Variants in GABRG3 observed in about 807,000 individuals in gnomAD.
The protein encoded by GABRG3 is gamma-aminobutyric acid receptor subunit gamma-3.
A neutral mutation model predicts 48.8 loss-of-function variants in GABRG3; 25 were observed. The ratio of observed to expected loss-of-function variants is 0.51; its 90% CI spans 0.37 to 0.72. GABRG3 has a LOEUF of 0.72. Ranked by LOEUF, GABRG3 falls within the 30% of genes least tolerant of loss-of-function variation. The probability of loss-of-function intolerance (pLI) is 0.00; values close to 1 mark genes in which losing one functional copy is unlikely to be tolerated. For synonymous variants in GABRG3, 227 were observed against 217.6 expected (o/e 1.04, Z -0.38); for missense variants, 394 against 577.9 (o/e 0.68, Z 3.26).
intron 7 of GABRG3, among the ~76,000 whole-genome samples, chr15:27,522,652 C>A (rs997450401): frequency 6.6e-6 from 1 of 151,500 alleles, no homozygotes; most frequent in Non-Finnish European, 1.5e-5. Flanking sequence ...TTATTGTAAT[C>A]TGTTAAAAAT....
intron 3 of GABRG3, among the ~76,000 whole-genome samples, chr15:27,095,331 A>G (rs1342565065): frequency 6.6e-6 from 1 of 152,240 alleles, no homozygotes; most frequent in Non-Finnish European, 1.5e-5. Flanking sequence ...GTAAATGCAT[A>G]TGCAGACACA....
Position 27,447,201 on chromosome 15 carries a change from A to G in GABRG3, c.575-33449A>G, listed in dbSNP as rs1416582955. Among the ~76,000 whole-genome samples, 2 of 152,188 alleles carry G rather than the reference A, an allele frequency of 1.3e-5. No homozygotes were observed. Among genetic ancestry groups the G allele is most frequent in the African/African-American group, 4.8e-5 (2 of 41,450 alleles). On this transcript the variant is annotated intron_variant, in intron 5 of 9. Transcript: ENST00000615808. The surrounding 1 kb of genome is among the most constrained non-coding windows in gnomAD (Gnocchi z 4.0). ...GGCAAGGCTTGGGAAGAAGGTTCCC[A>G]TTCCAACCAGAGACATAATTATAGG...
chr15:27,245,898 C>CA (rs1368755771), intron 3 of GABRG3, among the ~76,000 whole-genome samples: 1 of 152,252 alleles, frequency 6.6e-6, no homozygotes, highest in East Asian at 1.9e-4. Flanking sequence ...TTATTTGGCT[C>CA]ACGGTTCTGT....
At chr15:27,488,407 T>C (rs775835407) in intron 6 of GABRG3, among the ~76,000 whole-genome samples, 1 of 152,266 alleles carries the variant, frequency 6.6e-6, no homozygotes, top group Non-Finnish European at 1.5e-5. Flanking sequence ...TACCTGGGTT[T>C]AAATTCCAGG....
At chr15:27,124,602 G>A (rs910771227) in intron 3 of GABRG3, among the ~76,000 whole-genome samples, 5 of 152,174 alleles carry the variant, frequency 3.3e-5, no homozygotes, top group Non-Finnish European at 5.9e-5. Context: ...TAATCATCAC[G>A]GCTTCCTGGT....
chr15:27,320,636 A>G (rs1893390824), intron 3 of GABRG3, among the ~76,000 whole-genome samples: 1 of 152,182 alleles, frequency 6.6e-6, no homozygotes, highest in African/African-American at 2.4e-5. Flanking sequence ...CTCCTAAAAA[A>G]TAATGTTATT....
chr15:27,118,033 C>T (rs1435853103), intron 3 of GABRG3, among the ~76,000 whole-genome samples: 3 of 152,190 alleles, frequency 2.0e-5, no homozygotes, highest in African/African-American at 4.8e-5. Flanking sequence ...GGCACATTGT[C>T]CCTCTCACGA....
At position 27,504,751 on chromosome 15, in the gene GABRG3, G is replaced by A. The variant is rs528442285; in HGVS notation, c.713-15221G>A. 3.3e-5 allele frequency among the ~76,000 whole-genome samples: 5 copies of A among 152,034 alleles called. No homozygotes were observed. In the South Asian group the frequency reaches 1.0e-3, roughly 32 times the overall value. Reference sequence around the variant, plus strand: ...AAGATTTCCTCTAACATTTATTGTAGTGTGGGTTTGCTAGTGATCAATTCA... The same window carrying A: ...AAGATTTCCTCTAACATTTATTGTAATGTGGGTTTGCTAGTGATCAATTCA... On this transcript the variant is annotated intron_variant, in intron 6 of 9. Transcript: ENST00000615808.
chr15:27,031,471 C>T (rs1327713518), intron 3 of GABRG3, among the ~76,000 whole-genome samples: 3 of 152,096 alleles, frequency 2.0e-5, no homozygotes. Flanking sequence ...AGTACTGATA[C>T]CAATTCATCT....
chr15:27,046,011 G>A (rs1245464531), intron 3 of GABRG3, among the ~76,000 whole-genome samples: 1 of 152,208 alleles, frequency 6.6e-6, no homozygotes, highest in Non-Finnish European at 1.5e-5. Context: ...AGAGAGCTCC[G>A]AGTTCCGAGG....
chr15:27,336,796 T>G (rs1893992134), intron 5 of GABRG3, among the ~76,000 whole-genome samples: 1 of 152,198 alleles, frequency 6.6e-6, no homozygotes, highest in Admixed American at 6.5e-5. Context: ...TTAAGCAAAC[T>G]GTTGGTACAT....
rs139065717 is a variant in GABRG3 at position 27,390,525 on chromosome 15, ACAGGGCT to A, written c.574+61640_574+61646del. ...AAACCTATAATGCCCAGCAATAGAA[ACAGGGCT>A]CATGGACCATGGGAGTCATTTTGTC... On this transcript the variant is annotated intron_variant, in intron 5 of 9. Coordinates refer to ENST00000615808, the MANE Select transcript of GABRG3 (RefSeq NM_033223.5). 9.3e-3 allele frequency among the ~76,000 whole-genome samples: 1,420 copies of A among 152,314 alleles called. 16 individuals are homozygous for A. The highest frequency in any genetic ancestry group is 0.032 in the African/African-American group (1,344 of 41,572).
At chr15:27,233,645 T>C (rs1003898456) in intron 3 of GABRG3, among the ~76,000 whole-genome samples, 8 of 152,154 alleles carry the variant, frequency 5.3e-5, no homozygotes, top group African/African-American at 1.9e-4. Context: ...AGCCATCACC[T>C]TGGGGAGTCG....
chr15:27,431,986 C>A (rs909172627), intron 5 of GABRG3, among the ~76,000 whole-genome samples: 2 of 152,046 alleles, frequency 1.3e-5, no homozygotes, highest in Non-Finnish European at 2.9e-5. Flanking sequence ...TAATTTCATT[C>A]CATTGTGGTT....
At chr15:27,048,045 T>A (rs924352297) in intron 3 of GABRG3, among the ~76,000 whole-genome samples, 3 of 152,144 alleles carry the variant, frequency 2.0e-5, no homozygotes, top group Admixed American at 2.0e-4. Context: ...AGATAGTCGG[T>A]GAGTGAGGGC....
At chr15:27,002,434 G>A (rs1223146404) in intron 2 of GABRG3, among the ~76,000 whole-genome samples, 1 of 151,960 alleles carries the variant, frequency 6.6e-6, no homozygotes, top group African/African-American at 2.4e-5. Context: ...GGCTCATGGT[G>A]GTATTTGTCT....
intron 3 of GABRG3, among the ~76,000 whole-genome samples, chr15:27,326,376 C>T (rs1190576583): frequency 6.6e-6 from 1 of 152,172 alleles, no homozygotes; most frequent in Non-Finnish European, 1.5e-5. Flanking sequence ...ACTAAGGGTG[C>T]TCATTTAATC....
intron 3 of GABRG3, among the ~76,000 whole-genome samples, chr15:27,255,515 C>A (rs1792228192): frequency 6.6e-6 from 1 of 152,234 alleles, no homozygotes; most frequent in South Asian, 2.1e-4. Flanking sequence ...CCTGTTCTCA[C>A]AGTTACCATT....
At chr15:27,288,242 C>A (rs1444903170) in intron 3 of GABRG3, among the ~76,000 whole-genome samples, 2 of 151,476 alleles carry the variant, frequency 1.3e-5, no homozygotes, top group African/African-American at 2.4e-5. Context: ...GACAGTTTTT[C>A]CACAGACCAG....
Sources: gnomAD v4.1 joint callset for allele counts (sites outside exome capture counted in the v4.1 genomes callset) on GRCh38, gnomAD v4.1.1 for gene constraint, Gnocchi (gnomAD v3.1) non-coding constraint, MANE v1.5 for transcripts, NCBI Gene and HGNC (gene_info 2026-07-23, HGNC 2026-07-21) for gene names.